CMSS1: variants seen among roughly 807,000 people sequenced by gnomAD.
CMSS1 encodes the protein protein CMSS1.
CMSS1 carries 33 observed loss-of-function variants against 43.5 expected under a neutral mutation model. The observed-to-expected ratio is 0.76, with a 90% confidence interval of 0.57 to 1.01. The LOEUF (loss-of-function observed/expected upper bound fraction) is 1.01, where lower values mean the gene tolerates loss of function less well. Ranked by LOEUF, CMSS1 falls within the 50% of genes least tolerant of loss-of-function variation. CMSS1 has a pLI of 0.00. For missense variants in CMSS1, 313 were observed against 326.4 expected (o/e 0.96, Z 0.32); for synonymous variants, 115 against 117.2 (o/e 0.98, Z 0.12).
chr3:99,840,074 C>T (rs555123258), intron 1 of CMSS1, among the ~76,000 whole-genome samples: 166 of 152,148 alleles, frequency 1.1e-3, no homozygotes, highest in African/African-American at 3.8e-3. Flanking sequence ...CAGGGATGCT[C>T]CTAAACATTA....
At chr3:100,003,856 A>G (rs2107173132) in intron 1 of CMSS1, among the ~76,000 whole-genome samples, 1 of 152,312 alleles carries the variant, frequency 6.6e-6, no homozygotes, top group African/African-American at 2.4e-5. Flanking sequence ...ACTTTGCATG[A>G]GTTCAACTAC....
chr3:100,072,668 A>G lies in CMSS1; in HGVS notation c.65-74305A>G, dbSNP rs13083461. On this transcript the variant is annotated intron_variant, in intron 1 of 9. Transcript: ENST00000421999. Reference sequence around the variant, plus strand: ...AGGAAATCTTTATTGCCTTCCAGAAATATGGGATTGCTTGAACACAGCTGA... The same window carrying G: ...AGGAAATCTTTATTGCCTTCCAGAAGTATGGGATTGCTTGAACACAGCTGA... Among the ~76,000 whole-genome samples, 407 of 152,332 alleles carry G rather than the reference A, an allele frequency of 2.7e-3. 1 individual carries two copies. Among genetic ancestry groups the G allele is most frequent in the Middle Eastern group, 6.8e-3 (2 of 294 alleles).
chr3:99,845,324 C>T (rs1025822690), intron 1 of CMSS1, among the ~76,000 whole-genome samples: 3 of 152,076 alleles, frequency 2.0e-5, no homozygotes, highest in African/African-American at 7.2e-5. Context: ...TAGGATTCTA[C>T]CTTTTAAAGA....
intron 1 of CMSS1, among the ~76,000 whole-genome samples, chr3:99,909,877 T>C (rs573082146): frequency 6.6e-6 from 1 of 152,326 alleles, no homozygotes; most frequent in African/African-American, 2.4e-5. Context: ...TTTCCTGTTC[T>C]TTCACTTGAG....
intron 1 of CMSS1, among the ~76,000 whole-genome samples, chr3:99,912,436 G>A (rs1706820221): frequency 6.6e-6 from 1 of 152,178 alleles, no homozygotes; most frequent in Admixed American, 6.5e-5. Context: ...GAGTATAATG[G>A]CGTGATCTCG....
At chr3:99,962,170 C>T (rs778721057) in intron 1 of CMSS1, among the ~76,000 whole-genome samples, 5 of 151,992 alleles carry the variant, frequency 3.3e-5, no homozygotes, top group Admixed American at 6.6e-5. Flanking sequence ...TGAGGGGATG[C>T]GTGGTGAGTT....
At chr3:99,948,354 TTTAAAAATTAA>T (rs1273299258) in intron 1 of CMSS1, among the ~76,000 whole-genome samples, 1 of 151,924 alleles carries the variant, frequency 6.6e-6, no homozygotes, top group African/African-American at 2.4e-5. Context: ...TAAAAAATTT[TTTAAAAATTAA>T]GTAAAAATAA....
At chr3:100,017,997 C>G (rs537725310) in intron 1 of CMSS1, among the ~76,000 whole-genome samples, 13 of 152,048 alleles carry the variant, frequency 8.5e-5, no homozygotes, top group Admixed American at 2.6e-4. Context: ...GAAGGGTATT[C>G]AGGAGGATTT....
chr3:99,945,197 A>G (rs192053840), intron 1 of CMSS1, among the ~76,000 whole-genome samples: 10 of 152,192 alleles, frequency 6.6e-5, no homozygotes, highest in South Asian at 2.1e-4. Context: ...TCAGACTGAT[A>G]AAAGGTTTCT....
intron 1 of CMSS1, among the ~76,000 whole-genome samples, chr3:99,846,881 GA>G (rs1943388468): frequency 1.3e-5 from 2 of 152,280 alleles, no homozygotes; most frequent in African/African-American, 4.8e-5. Context: ...TAGAAAAAGG[GA>G]AATGGCAATA....
At chr3:100,134,427 G>A (rs1429182746) in intron 1 of CMSS1, among the ~76,000 whole-genome samples, 1 of 152,152 alleles carries the variant, frequency 6.6e-6, no homozygotes, top group Non-Finnish European at 1.5e-5. Context: ...TCGCTGTTCT[G>A]GGAGCTGTTA....
rs2067176063 is a variant in CMSS1 at position 100,180,167 on chromosome 3, C to CTGG, written c.*1780_*1782dup. 1 of 152,290 alleles carries CTGG rather than the reference C, an allele frequency of 6.6e-6. No individual in the cohort carries two copies. The highest frequency in any genetic ancestry group is 2.1e-4 in the South Asian group (1 of 4,832). 9.4% of individuals were successfully genotyped at this position (152,290 alleles called of 1,614,324 possible). A position where few individuals can be genotyped will look rare whatever the true frequency, so the allele number is the denominator to read the frequency against. ...AAACCATTTTTTTCCTCCTAGGCCT[C>CTGG]TGGGCCTGTTTGGTGGGGCTGGGGA... On this transcript the variant is annotated 3_prime_UTR_variant, in exon 10 of 10. Coordinates refer to ENST00000421999, the MANE Select transcript of CMSS1 (RefSeq NM_032359.4).
chr3:99,999,958 C>G (rs1709795045), intron 1 of CMSS1, among the ~76,000 whole-genome samples: 1 of 152,144 alleles, frequency 6.6e-6, no homozygotes, highest in South Asian at 2.1e-4. Flanking sequence ...TCTCTAGACT[C>G]TAGAACAGTG....
At position 100,151,532 on chromosome 3, in the gene CMSS1, G is replaced by A. The variant is rs116255099; in HGVS notation, c.153+4471G>A. On this transcript the variant is annotated intron_variant, in intron 2 of 9. Coordinates refer to ENST00000421999, the MANE Select transcript of CMSS1 (RefSeq NM_032359.4). Reference sequence around the variant, plus strand: ...CGTTGCAGTTGCCTTTCCCCAGGCCGAGTGATCCAAGAGGGAACCAGCAAA... The same window carrying A: ...CGTTGCAGTTGCCTTTCCCCAGGCCAAGTGATCCAAGAGGGAACCAGCAAA... Among the ~76,000 whole-genome samples, 522 of 152,268 alleles carry A rather than the reference G, an allele frequency of 3.4e-3. 5 individuals are homozygous for A. Among genetic ancestry groups the A allele is most frequent in the African/African-American group, 0.012 (480 of 41,546 alleles).
intron 1 of CMSS1, among the ~76,000 whole-genome samples, chr3:100,119,708 A>C (rs1268068274): frequency 1.3e-5 from 2 of 152,242 alleles, no homozygotes; most frequent in African/African-American, 2.4e-5. Context: ...GGGTAAAAAA[A>C]ATAAGAAAAT....
chr3:100,020,990 C>T (rs2064804619), intron 1 of CMSS1, among the ~76,000 whole-genome samples: 1 of 152,108 alleles, frequency 6.6e-6, no homozygotes. Context: ...TGGTCCTGAT[C>T]TCTTGACCTT....
chr3:99,856,397 C>A lies in CMSS1; in HGVS notation c.64+38354C>A, dbSNP rs13085504. Among the ~76,000 whole-genome samples, 406 of 152,160 alleles carry A rather than the reference C, an allele frequency of 2.7e-3. 1 individual carries two copies. The highest frequency in any genetic ancestry group is 6.8e-3 in the Middle Eastern group (2 of 294). On this transcript the variant is annotated intron_variant, in intron 1 of 9. Transcript: ENST00000421999. ...TATGTACCCTCAGGGGTACATGTACCCCAGTTTAAAGACTATTGTCTTGGA... is the reference window on the plus strand; with the variant it reads ...TATGTACCCTCAGGGGTACATGTACACCAGTTTAAAGACTATTGTCTTGGA...
chr3:100,039,326 C>T (rs747348315), intron 1 of CMSS1, among the ~76,000 whole-genome samples: 3 of 152,148 alleles, frequency 2.0e-5, no homozygotes, highest in Non-Finnish European at 4.4e-5. Flanking sequence ...ATAAGAAGTA[C>T]AGCCAAGACT....
chr3:99,855,248 A>G (rs1576516771), intron 1 of CMSS1, among the ~76,000 whole-genome samples: 2 of 152,198 alleles, frequency 1.3e-5, no homozygotes, highest in Admixed American at 6.5e-5. Context: ...AAATCTGTCC[A>G]CATTTCTGGG....
Sources: gnomAD v4.1 joint callset for allele counts (sites outside exome capture counted in the v4.1 genomes callset) on GRCh38, gnomAD v4.1.1 for gene constraint, MANE v1.5 for transcripts, NCBI Gene and HGNC (gene_info 2026-07-23, HGNC 2026-07-21) for gene names.